VLDLR: variants seen among roughly 807,000 people sequenced by gnomAD.
The protein encoded by VLDLR is very low density lipoprotein receptor, also known as very low-density lipoprotein receptor.
VLDLR carries 81 observed loss-of-function variants against 112.7 expected under a neutral mutation model. That is an observed-to-expected ratio of 0.72 (90% confidence interval 0.60 to 0.86). The LOEUF (loss-of-function observed/expected upper bound fraction) is 0.86. VLDLR is among the 40% of genes least tolerant of loss of function. VLDLR has a pLI of 0.00. For synonymous variants in VLDLR, 436 were observed against 384.8 expected (o/e 1.13, Z -1.56); for missense variants, 1,237 against 1,099.4 (o/e 1.13, Z -1.77).
At position 2,654,200 on chromosome 9, in the gene VLDLR, C is replaced by A. The variant is rs1200129735; in HGVS notation, c.*332C>A. On this transcript the variant is annotated 3_prime_UTR_variant, in exon 19 of 19. Coordinates refer to ENST00000382100, the MANE Select transcript of VLDLR (RefSeq NM_003383.5). ...TGTGCTATAGTGTATACCACCTGTACATACATTGTATAGGCCATCTGTAAA... is the reference window on the plus strand; with the variant it reads ...TGTGCTATAGTGTATACCACCTGTAAATACATTGTATAGGCCATCTGTAAA... 3 of 348,958 alleles carry A rather than the reference C, an allele frequency of 8.6e-6. No homozygotes were observed. The Admixed American group carries it at 1.3e-4, about 15-fold the overall frequency. The allele number at this position is 348,958 out of a possible 1,614,324, so 21.6% of individuals were successfully genotyped here.
chr9:2,633,051 A>AGAGAGAGAGAGAGT (rs1460780869), intron 1 of VLDLR, among the ~76,000 whole-genome samples: 2 of 115,402 alleles, frequency 1.7e-5, no homozygotes, highest in African/African-American at 6.7e-5. Context: ...AGAGAGAGAG[A>AGAGAGAGAGAGAGT]GTGTGTGTGT....
At chr9:2,636,683 A>G (rs1271322202) in intron 2 of VLDLR, among the ~76,000 whole-genome samples, 1 of 152,230 alleles carries the variant, frequency 6.6e-6, no homozygotes, top group South Asian at 2.1e-4. Flanking sequence ...GCAACACTTT[A>G]TCATCATTTG....
intron 2 of VLDLR, among the ~76,000 whole-genome samples, chr9:2,637,233 A>G (rs1817632290): frequency 6.6e-6 from 1 of 152,184 alleles, no homozygotes; most frequent in African/African-American, 2.4e-5. Flanking sequence ...AAAACTTCCA[A>G]AGCTGCCTCC....
chr9:2,634,389 C>T (rs912821845), intron 1 of VLDLR, among the ~76,000 whole-genome samples: 7 of 152,162 alleles, frequency 4.6e-5, no homozygotes, highest in African/African-American at 7.2e-5. Context: ...AAGTAATCTG[C>T]GTGAACTATA....
chr9:2,631,335 C>G (rs1437320265), intron 1 of VLDLR, among the ~76,000 whole-genome samples: 2 of 152,190 alleles, frequency 1.3e-5, no homozygotes, highest in Non-Finnish European at 2.9e-5. Flanking sequence ...AAGGAAAAAT[C>G]AGTATATCCA....
rs1297099150 is a variant in VLDLR, at chr9:2,633,049, AGAGT to A, written c.83-2402_83-2399del. ...CCTTATTGGAGAGAGAGAGAGAGAG[AGAGT>A]GTGTGTGTGTGTGTGTGTGTGTGTG... On this transcript the variant is annotated intron_variant, in intron 1 of 18. Transcript: ENST00000382100. Among the ~76,000 whole-genome samples the A allele has an allele frequency of 9.5e-4, 102 of 107,088 alleles. 1 individual carries two copies. The highest frequency in any genetic ancestry group is 1.9e-3 in the South Asian group (6 of 3,160). 70.3% of individuals were successfully genotyped at this position (107,088 alleles called of 152,430 possible).
In VLDLR at chr9:2,648,245, G is replaced by C. The variant is rs774101919; in HGVS notation, c.1860G>C (p.Lys620Asn). Residue 620 changes from lysine to asparagine, a missense_variant, in exon 13 of 19, where the codon AAG becomes AAC. By Grantham distance (94) the Lys-to-Asn change is moderately conservative. Transcript: ENST00000382100. ...GTCGCCTCTATTGGCTTGATTCTAA[G>C]TTGCACATGTTATCCAGCGTGGACT... Reference protein sequence around the residue: ...IKSRLYWLDSKLHMLSSVDLN... With the variant: ...IKSRLYWLDSNLHMLSSVDLN... 3 of 1,614,072 alleles carry C rather than the reference G, an allele frequency of 1.9e-6. No homozygotes were observed. Among genetic ancestry groups the C allele is most frequent in the Non-Finnish European group, 2.5e-6 (3 of 1,180,036 alleles).
At chr9:2,631,838 G>C (rs947968675) in intron 1 of VLDLR, among the ~76,000 whole-genome samples, 1 of 152,030 alleles carries the variant, frequency 6.6e-6, no homozygotes, top group Non-Finnish European at 1.5e-5. Context: ...AATTTTACAT[G>C]TACCTCATAA....
chr9:2,644,842 A>G lies in VLDLR; in HGVS notation c.1175A>G (p.Lys392Arg). The G allele has an allele frequency of 3.1e-6, 5 of 1,614,200 alleles. No individual in the cohort carries two copies. The highest frequency in any genetic ancestry group is 3.4e-6 in the Non-Finnish European group (4 of 1,180,044). The change falls in exon 8 of 19, where the codon AAA (lysine) becomes AGA (arginine). Residue 392 changes from lysine to arginine, a missense_variant. Transcript: ENST00000382100. ...GCTGGGTTTGAACTGATAGATAGGA[A>G]AACCTGTGGAGGTGAGTCTAAGAAG... The part of the protein sequence containing the change: ...CAAGFELIDR[K>R]TCGDIDECQN...
At chr9:2,640,220 C>T (rs1426023175) in intron 3 of VLDLR, among the ~76,000 whole-genome samples, 1 of 152,172 alleles carries the variant, frequency 6.6e-6, no homozygotes, top group Non-Finnish European at 1.5e-5. Flanking sequence ...ATACTTAAAA[C>T]TGAAGTCAGC....
chr9:2,644,831 G>A lies in VLDLR; in HGVS notation c.1164G>A (p.Leu388=), dbSNP rs1399962287. 6.2e-7 allele frequency: 1 copy of A among 1,614,082 alleles called. No homozygotes were observed. The highest frequency in any genetic ancestry group is 8.5e-7 in the Non-Finnish European group (1 of 1,180,052). ...YECDCAAGFE[L]IDRKTCGDID... ...GTGACTGTGCAGCTGGGTTTGAACTGATAGATAGGAAAACCTGTGGAGGTG... is the reference window on the plus strand; with the variant it reads ...GTGACTGTGCAGCTGGGTTTGAACTAATAGATAGGAAAACCTGTGGAGGTG... The change falls in exon 8 of 19, where the codon CTG becomes CTA. Residue 388 remains leucine, a synonymous_variant. Transcript: ENST00000382100.
intron 17 of VLDLR, 79 bp downstream of exon 17, chr9:2,652,033 C>T: frequency 7.4e-7 from 1 of 1,352,890 alleles, no homozygotes; most frequent in Non-Finnish European, 1.0e-6. Context: ...CTGGAGCTAC[C>T]CCTTTCATGG....
rs184083148 is a variant in VLDLR, at chr9:2,649,249, C to T, written c.2104+439C>T. On this transcript the variant is annotated intron_variant, in intron 14 of 18. Coordinates refer to ENST00000382100, the MANE Select transcript of VLDLR (RefSeq NM_003383.5). ...GGCCAGAAGTTTGAAATCAAGGTGC[C>T]AGGAGGGTTGGTGCCTCTTGAGGGC... Among the ~76,000 whole-genome samples the T allele has an allele frequency of 1.4e-3, 209 of 152,244 alleles. 3 individuals carry two copies. Among genetic ancestry groups the T allele is most frequent in the Admixed American group, 0.013 (193 of 15,298 alleles).
At chr9:2,650,553 AC>A in intron 15 of VLDLR, 37 bp downstream of exon 15, 5 of 1,610,470 alleles carry the variant, frequency 3.1e-6, no homozygotes, top group Non-Finnish European at 4.2e-6. Context: ...AGTAGAACCT[AC>A]AACAAGCAAT....
At chr9:2,625,810 G>A (rs1035350486) in intron 1 of VLDLR, among the ~76,000 whole-genome samples, 6 of 152,200 alleles carry the variant, frequency 3.9e-5, no homozygotes, top group Admixed American at 6.5e-5. Flanking sequence ...CTTGTTAAGC[G>A]GAAGTAAGTA....
chr9:2,634,429 A>C (rs1817509886), intron 1 of VLDLR, among the ~76,000 whole-genome samples: 1 of 152,214 alleles, frequency 6.6e-6, no homozygotes, highest in East Asian at 1.9e-4. Context: ...AAATATTTGC[A>C]GTATATTTGC....
rs1473045652 is a variant in VLDLR at position 2,655,978 on chromosome 9, C to G, written c.*2110C>G. On this transcript the variant is annotated 3_prime_UTR_variant, in exon 19 of 19. Coordinates refer to ENST00000382100, the MANE Select transcript of VLDLR (RefSeq NM_003383.5). ...TTTTTTTTTTTTAACTGGAGTAATA[C>G]CAAATTCCCTTTAGAAGCTTGAAGT... 6.6e-6 allele frequency: 1 copy of G among 151,762 alleles called. No individual in the cohort carries two copies. Among genetic ancestry groups the G allele is most frequent in the East Asian group, 1.9e-4 (1 of 5,174 alleles). The allele number at this position is 151,762 out of a possible 1,614,324, so 9.4% of individuals were successfully genotyped here.
chr9:2,652,934 A>G lies in VLDLR; in HGVS notation c.2571A>G (p.Gly857=). ...IDIGRHSASV[G]HTYPAISVVS... ...TTGGTAGACACAGTGCTTCTGTTGG[A>G]CACACGTACCCAGCAGTAAGTCAGC... The change falls in exon 18 of 19, where the codon GGA becomes GGG. Residue 857 remains glycine (G), a synonymous_variant. Coordinates refer to ENST00000382100, the MANE Select transcript of VLDLR (RefSeq NM_003383.5). 6.2e-7 allele frequency: 1 copy of G among 1,614,082 alleles called. No individual in the cohort carries two copies. Among genetic ancestry groups the G allele is most frequent in the Non-Finnish European group, 8.5e-7 (1 of 1,179,946 alleles).
rs1393724208 is a variant in VLDLR, at chr9:2,645,548, A to G, written c.1313-26A>G. 3.1e-6 allele frequency: 5 copies of G among 1,614,174 alleles called. No individual in the cohort carries two copies. In the East Asian group the frequency reaches 1.1e-4, roughly 36 times the overall value. Reference sequence around the variant, plus strand: ...GACCTTGCCTTCTTAAAGCAAAACTAAGTAACCCAGACTTCCATCTTGCAG... The same window carrying G: ...GACCTTGCCTTCTTAAAGCAAAACTGAGTAACCCAGACTTCCATCTTGCAG... On this transcript the variant is annotated intron_variant, in intron 9 of 18. Coordinates refer to ENST00000382100, the MANE Select transcript of VLDLR (RefSeq NM_003383.5).
Sources: gnomAD v4.1 joint callset for allele counts (sites outside exome capture counted in the v4.1 genomes callset) on GRCh38, gnomAD v4.1.1 for gene constraint, MANE v1.5 for transcripts, NCBI Gene and HGNC (gene_info 2026-07-23, HGNC 2026-07-21) for gene names.